Variants in CELF4 observed in about 807,000 individuals in gnomAD.
CELF4 encodes the protein CUG-BP- and ETR-3-like factor 4.
A neutral mutation model predicts 59.9 loss-of-function variants in CELF4; 18 were observed. The observed-to-expected ratio is 0.30, with a 90% CI of 0.21 to 0.45. The LOEUF is 0.45. Among genes scored for constraint, CELF4 ranks in the 20% least tolerant of loss-of-function variants. CELF4 has a pLI of 1.00. For missense variants in CELF4, 456 were observed against 689.0 expected, an observed-to-expected ratio of 0.66 and a Z score of 3.79; for synonymous variants, 261 against 267.1, an observed-to-expected ratio of 0.98 and a Z score of 0.22.
chr18:37,502,001 A>T (rs1457010286), intron 1 of CELF4, among the ~76,000 whole-genome samples: 1 of 152,146 alleles, frequency 6.6e-6, no homozygotes, highest in Non-Finnish European at 1.5e-5. Context: ...CCCTCGGCTG[A>T]ATCATGTTTG....
At chr18:37,505,231 A>G (rs1343581470) in intron 1 of CELF4, among the ~76,000 whole-genome samples, 1 of 152,228 alleles carries the variant, frequency 6.6e-6, no homozygotes, top group African/African-American at 2.4e-5. Context: ...TGCTTGACCC[A>G]TGGGCCTGGT....
In CELF4 at chr18:37,427,037, C is replaced by CGG. The variant is rs5741769; in HGVS notation, c.369+58486_369+58487dup. ...GCGGGTGCTGGCAGCAGCAGGGACA[C>CGG]GGGGGGGGGGGAAGCTGGGCACCCT... On this transcript the variant is annotated intron_variant, in intron 2 of 12. Transcript: ENST00000420428. Among the ~76,000 whole-genome samples, 382 of 123,192 alleles carry CGG rather than the reference C, an allele frequency of 3.1e-3. 1 individual carries two copies. The highest frequency in any genetic ancestry group is 8.9e-3 in the Middle Eastern group (2 of 224). 80.8% of individuals were successfully genotyped at this position (123,192 alleles called of 152,430 possible). A position where few individuals can be genotyped will look rare whatever the true frequency, so the allele number is the denominator to read the frequency against.
intron 2 of CELF4, among the ~76,000 whole-genome samples, chr18:37,464,854 G>A (rs1053350818): frequency 1.3e-5 from 2 of 152,196 alleles, no homozygotes; most frequent in African/African-American, 4.8e-5. Flanking sequence ...GGAGACAGAG[G>A]AAGAAAGTCC....
chr18:37,275,457 C>T (rs1324461219), intron 3 of CELF4, among the ~76,000 whole-genome samples: 1 of 151,940 alleles, frequency 6.6e-6, no homozygotes, highest in South Asian at 2.1e-4. Flanking sequence ...GGGGTAGGAG[C>T]GCACAGTCGC....
chr18:37,410,441 G>A (rs966735352), intron 2 of CELF4, among the ~76,000 whole-genome samples: 3 of 152,240 alleles, frequency 2.0e-5, no homozygotes, highest in Non-Finnish European at 2.9e-5. Context: ...GCTGTCCCCC[G>A]GCCCACCCAC....
intron 2 of CELF4, among the ~76,000 whole-genome samples, chr18:37,326,431 G>A (rs796771155): frequency 1.8e-4 from 28 of 152,294 alleles, no homozygotes; most frequent in African/African-American, 4.3e-4. Context: ...TGTCCTCCCC[G>A]GAGGGCCCTG....
chr18:37,338,853 C>T (rs1188802714), intron 2 of CELF4, among the ~76,000 whole-genome samples: 2 of 151,668 alleles, frequency 1.3e-5, no homozygotes, highest in East Asian at 3.9e-4. Context: ...ACATGGGCAA[C>T]CATGCCCAGC....
rs375526942 is a variant in CELF4, at chr18:37,367,029, T to C, written c.370-45148A>G. ...AAAAGGAGTGGGAGACTGGGGAGGC[T>C]GGCATCCCAGAAGCCTTAACCTGGC... On this transcript the variant is annotated intron_variant, in intron 2 of 12. Coordinates refer to ENST00000420428, the MANE Select transcript of CELF4 (RefSeq NM_020180.4). Among the ~76,000 whole-genome samples, 40 of 152,278 alleles carry C rather than the reference T, an allele frequency of 2.6e-4. No homozygotes were observed. The East Asian group carries it at 5.2e-3, about 20-fold the overall frequency.
chr18:37,457,107 G>A (rs1255120324), intron 2 of CELF4, among the ~76,000 whole-genome samples: 8 of 152,186 alleles, frequency 5.3e-5, no homozygotes, highest in Non-Finnish European at 1.0e-4. Flanking sequence ...CTATCACTGG[G>A]TGCTTGCAGA....
intron 1 of CELF4, among the ~76,000 whole-genome samples, chr18:37,491,345 C>G (rs1406100584): frequency 1.3e-5 from 2 of 152,200 alleles, no homozygotes; most frequent in Admixed American, 1.3e-4. Flanking sequence ...CTATCACATA[C>G]GCTGAACACT....
chr18:37,321,009 T>C (rs975335300), intron 3 of CELF4, among the ~76,000 whole-genome samples: 1 of 152,074 alleles, frequency 6.6e-6, no homozygotes, highest in African/African-American at 2.4e-5. Context: ...TGTCAGAGTA[T>C]GTTTGAATCT....
chr18:37,263,676 G>A (rs1055839692), intron 10 of CELF4, among the ~76,000 whole-genome samples: 3 of 151,972 alleles, frequency 2.0e-5, no homozygotes, highest in Admixed American at 6.6e-5. Flanking sequence ...CTGGCATTCC[G>A]AGATCCCTGG....
rs545018991 is a variant in CELF4 at position 37,280,821 on chromosome 18, A to G, written c.449-5578T>C. On this transcript the variant is annotated intron_variant, in intron 3 of 12. Coordinates refer to ENST00000420428, the MANE Select transcript of CELF4 (RefSeq NM_020180.4). ...CTCCTGACTGCTTTCCTTTCCACCA[A>G]CGCATACATCACCCATTCCTCTGAC... is the stretch of plus-strand genomic sequence containing the variant. Among the ~76,000 whole-genome samples the G allele has an allele frequency of 7.2e-5, 11 of 152,314 alleles. No individual in the cohort carries two copies. In the South Asian group the frequency reaches 2.3e-3, roughly 32 times the overall value.
intron 2 of CELF4, among the ~76,000 whole-genome samples, chr18:37,457,592 T>G (rs2099781816): frequency 6.6e-6 from 1 of 152,184 alleles, no homozygotes; most frequent in Non-Finnish European, 1.5e-5. Context: ...ATTAATTAAC[T>G]GAGCAAGGCT....
intron 1 of CELF4, among the ~76,000 whole-genome samples, chr18:37,502,123 G>A (rs995581089): frequency 2.6e-5 from 4 of 152,116 alleles, no homozygotes; most frequent in South Asian, 2.1e-4. Context: ...TAAATATAGC[G>A]GTTGAGATGC....
In CELF4 at chr18:37,274,848, G is replaced by C; in HGVS notation, c.614C>G (p.Ala205Gly). The C allele has an allele frequency of 6.2e-7, 1 of 1,607,948 alleles. No homozygotes were observed. The highest frequency in any genetic ancestry group is 1.1e-5 in the South Asian group (1 of 90,256). Reference protein sequence around the residue: ...AFVKYSSHAEAQAAINALHGS... With the variant: ...AFVKYSSHAEGQAAINALHGS... ...GTGTAGCGCGTTGATGGCGGCCTGC[G>C]CCTCGGCGTGGGAGGAGTACTTCAC... is the stretch of plus-strand genomic sequence containing the variant. Residue 205 changes from alanine to glycine, a missense_variant, in exon 5 of 13, where the codon GCG (alanine) becomes GGG (glycine). Coordinates refer to ENST00000420428, the MANE Select transcript of CELF4 (RefSeq NM_020180.4).
chr18:37,349,900 C>T (rs1017852629), intron 2 of CELF4, among the ~76,000 whole-genome samples: 3 of 152,094 alleles, frequency 2.0e-5, no homozygotes, highest in Non-Finnish European at 2.9e-5. Context: ...AAAGGGGAGC[C>T]GGCCAGAGTT....
chr18:37,296,972 C>T (rs867710151), intron 3 of CELF4, among the ~76,000 whole-genome samples: 3 of 152,168 alleles, frequency 2.0e-5, no homozygotes, highest in African/African-American at 7.2e-5. Flanking sequence ...GAGGAACACA[C>T]CAGACTGAGG....
At chr18:37,450,941 C>G (rs1603641505) in intron 2 of CELF4, among the ~76,000 whole-genome samples, 1 of 152,210 alleles carries the variant, frequency 6.6e-6, no homozygotes, top group East Asian at 1.9e-4. Context: ...CATCACTTCA[C>G]TTGTGGACCT....
Sources: gnomAD v4.1 joint callset for allele counts (sites outside exome capture counted in the v4.1 genomes callset) on GRCh38, gnomAD v4.1.1 for gene constraint, MANE v1.5 for transcripts, NCBI Gene and HGNC (gene_info 2026-07-23, HGNC 2026-07-21) for gene names.